The following WDR27 variants were observed in gnomAD, a reference collection of about 807,000 sequenced individuals.
WDR27 encodes the protein WD repeat-containing protein 27.
WDR27 carries 100 observed loss-of-function variants against 114.4 expected under a neutral mutation model. The observed-to-expected ratio is 0.87, with a 90% CI of 0.74 to 1.03. The LOEUF (loss-of-function observed/expected upper bound fraction) is 1.03, where lower values mean the gene tolerates loss of function less well. Among genes scored for constraint, WDR27 ranks in the 50% least tolerant of loss-of-function variants. The pLI, the probability that WDR27 is intolerant of heterozygous loss-of-function variation, is 0.00. For missense variants in WDR27, 1,129 were observed against 1,092.9 expected (o/e 1.03, Z -0.47); for synonymous variants, 449 against 423.1 (o/e 1.06, Z -0.75).
At chr6:169,662,730 G>A (rs1306200646) in intron 8 of WDR27, among the ~76,000 whole-genome samples, 3 of 129,800 alleles carry the variant, frequency 2.3e-5, no homozygotes, top group Admixed American at 8.3e-5. Flanking sequence ...TGTGCACCGC[G>A]GAGTACTCAG....
intron 24 of WDR27, among the ~76,000 whole-genome samples, chr6:169,579,913 T>G (rs2128137437): frequency 6.6e-6 from 1 of 152,344 alleles, no homozygotes. Context: ...GCCCCAATTT[T>G]GGGATTTCCT....
intron 9 of WDR27, 130 bp from the exon 10 acceptor site, chr6:169,660,896 C>T (rs1216462036): frequency 1.0e-5 from 8 of 772,090 alleles, no homozygotes; most frequent in East Asian, 2.8e-5. Flanking sequence ...GCCCCACGTG[C>T]GCCCCCTGGC....
rs1326471041 is a variant in WDR27 at position 169,651,186 on chromosome 6, G to T, written c.1481+744C>A. Among the ~76,000 whole-genome samples the T allele has an allele frequency of 1.2e-4, 14 of 114,340 alleles. 3 individuals are homozygous for T. Among genetic ancestry groups the T allele is most frequent in the East Asian group, 9.9e-4 (2 of 2,024 alleles). 75.0% of individuals were successfully genotyped at this position (114,340 alleles called of 152,430 possible). On this transcript the variant is annotated intron_variant, in intron 14 of 25. Coordinates refer to ENST00000448612, the MANE Select transcript of WDR27 (RefSeq NM_182552.5). ...CCTGGAGCACAGCAGTGCGGGGCGGGGGGGGGGAGTGGGGGAGTGGGGGAG... is the reference window on the plus strand; with the variant it reads ...CCTGGAGCACAGCAGTGCGGGGCGGTGGGGGGGAGTGGGGGAGTGGGGGAG...
chr6:169,559,610 A>C (rs562026498), intron 25 of WDR27: 2 of 152,356 alleles, frequency 1.3e-5, no homozygotes, highest in Admixed American at 6.5e-5. Context: ...TAGTCAATAA[A>C]TTTGAGAAGG....
intron 16 of WDR27, among the ~76,000 whole-genome samples, chr6:169,645,148 T>G (rs1820333225): frequency 7.0e-6 from 1 of 143,012 alleles, no homozygotes; most frequent in African/African-American, 2.6e-5. Flanking sequence ...GGACTCACAC[T>G]GTAGAAAAGC....
At chr6:169,488,001 C>T (rs1789173646) in intron 25 of WDR27, among the ~76,000 whole-genome samples, 1 of 152,198 alleles carries the variant, frequency 6.6e-6, no homozygotes, top group Admixed American at 6.5e-5. Flanking sequence ...TCTCTGACTC[C>T]CCCAGCTGGG....
intron 2 of WDR27, among the ~76,000 whole-genome samples, chr6:169,678,700 C>T (rs1162360175): frequency 6.6e-6 from 1 of 152,062 alleles, no homozygotes; most frequent in Non-Finnish European, 1.5e-5. Flanking sequence ...TTTATTTGAC[C>T]CTTTCTATCG....
chr6:169,621,835 C>T lies in WDR27; in HGVS notation c.2224-8179G>A, dbSNP rs138990719. ...ATTCATACATATACACACGTATTCA[C>T]GCATATACACACATATTCACGCATA... On this transcript the variant is annotated intron_variant, in intron 21 of 25. Coordinates refer to ENST00000448612, the MANE Select transcript of WDR27 (RefSeq NM_182552.5). Among the ~76,000 whole-genome samples the T allele has an allele frequency of 1.2e-3, 178 of 152,256 alleles. 3 individuals are homozygous for T. In the East Asian group the frequency reaches 0.029, roughly 25 times the overall value.
intron 25 of WDR27, among the ~76,000 whole-genome samples, chr6:169,511,060 C>T (rs1792781197): frequency 6.6e-6 from 1 of 152,190 alleles, no homozygotes; most frequent in South Asian, 2.1e-4. Context: ...GCCATTCCCA[C>T]ACACAATTAA....
chr6:169,670,445 G>A (rs1778399171), intron 4 of WDR27, 124 bp downstream of exon 4: 1 of 1,046,496 alleles, frequency 9.6e-7, no homozygotes, highest in East Asian at 2.6e-5. Flanking sequence ...AAACTAAATT[G>A]AAGATATAGC....
intron 23 of WDR27, among the ~76,000 whole-genome samples, chr6:169,592,739 A>C (rs1001321974): frequency 1.3e-5 from 2 of 152,212 alleles, no homozygotes; most frequent in African/African-American, 4.8e-5. Flanking sequence ...ATTAATGAAC[A>C]TTCTGGCTCT....
At chr6:169,630,989 C>A (rs16888272) in intron 21 of WDR27, among the ~76,000 whole-genome samples, 14 of 152,140 alleles carry the variant, frequency 9.2e-5, no homozygotes, top group Admixed American at 6.5e-4. Flanking sequence ...GATCTTACTG[C>A]GAAATTAGTA....
At chr6:169,570,283 G>A (rs1482287664) in intron 25 of WDR27, among the ~76,000 whole-genome samples, 1 of 152,110 alleles carries the variant, frequency 6.6e-6, no homozygotes, top group Non-Finnish European at 1.5e-5. Context: ...CAAACACAAG[G>A]ACTAAAACAG....
intron 3 of WDR27, chr6:169,672,047 C>T (rs749494048): frequency 5.3e-5 from 25 of 467,930 alleles, no homozygotes; most frequent in Non-Finnish European, 7.1e-5. Flanking sequence ...AGCAAAGGTC[C>T]GTAAGTCTGA....
intron 13 of WDR27, among the ~76,000 whole-genome samples, chr6:169,653,296 A>G (rs1823111840): frequency 6.6e-6 from 1 of 152,270 alleles, no homozygotes; most frequent in Non-Finnish European, 1.5e-5. Context: ...ATATATACAT[A>G]TAAATTCCTT....
intron 13 of WDR27, among the ~76,000 whole-genome samples, chr6:169,653,873 C>A (rs1206212666): frequency 6.6e-6 from 1 of 152,228 alleles, no homozygotes; most frequent in African/African-American, 2.4e-5. Flanking sequence ...TTCACCTTCT[C>A]CGACTAGCCC....
At chr6:169,641,937 G>A (rs1346431908) in intron 17 of WDR27, among the ~76,000 whole-genome samples, 2 of 152,236 alleles carry the variant, frequency 1.3e-5, no homozygotes, top group African/African-American at 4.8e-5. Context: ...CTCGGCGGAA[G>A]GCCTGGGACT....
In WDR27 at chr6:169,638,658, G is replaced by T; in HGVS notation, c.1750C>A (p.His584Asn). 6.2e-7 allele frequency: 1 copy of T among 1,600,804 alleles called. No individual in the cohort carries two copies. Among genetic ancestry groups the T allele is most frequent in the South Asian group, 1.1e-5 (1 of 88,730 alleles). ...LTGTPAVFSG[H>N]DGAVNAVCWS... is the part of the protein sequence containing the mutation. ...CACACGGCATTCACTGCCCCGTCGT[G>T]ACCTAACAGGAATGACCACAGAAGG... Residue 584 changes from histidine to asparagine, a missense_variant and splice_region_variant, in exon 18 of 26, where the codon CAC becomes AAC. By Grantham distance (68) the His-to-Asn change is moderately conservative. Transcript: ENST00000448612.
intron 25 of WDR27, among the ~76,000 whole-genome samples, chr6:169,515,110 G>T (rs1050578964): frequency 6.6e-6 from 1 of 152,000 alleles, no homozygotes; most frequent in Non-Finnish European, 1.5e-5. Flanking sequence ...TGGGTCGTGG[G>T]TCTTTAAATT....
Sources: allele counts gnomAD v4.1 joint callset (sites outside exome capture counted in the v4.1 genomes callset), GRCh38; gene constraint gnomAD v4.1.1; transcripts MANE v1.5; gene names NCBI Gene and HGNC (gene_info 2026-07-23, HGNC 2026-07-21).